FMN1: variants seen among roughly 807,000 people sequenced by gnomAD.
FMN1 encodes the protein formin 1.
In FMN1, 110 loss-of-function variants were observed where a neutral mutation model predicts 132.4. The observed-to-expected ratio is 0.83, with a 90% CI of 0.71 to 0.97. The LOEUF (loss-of-function observed/expected upper bound fraction) is 0.97. Among genes scored for constraint, FMN1 ranks in the 50% least tolerant of loss-of-function variants. The pLI is 0.00. For missense variants in FMN1, 1,792 were observed against 1,705.3 expected, an observed-to-expected ratio of 1.05 and a Z score of -0.90; for synonymous variants, 722 against 651.7, an observed-to-expected ratio of 1.11 and a Z score of -1.64.
At chr15:32,965,368 C>G (rs776219281) in intron 8 of FMN1, among the ~76,000 whole-genome samples, 19 of 151,900 alleles carry the variant, frequency 1.3e-4, no homozygotes, top group Non-Finnish European at 2.6e-4. Context: ...CCACTGCACT[C>G]CAGCCTGGGT....
chr15:33,003,951 C>T (rs2034262311), intron 7 of FMN1, among the ~76,000 whole-genome samples: 1 of 152,140 alleles, frequency 6.6e-6, no homozygotes, highest in African/African-American at 2.4e-5. Flanking sequence ...GGAAAGGAAT[C>T]CCTATTTAAT....
chr15:33,115,328 G>A (rs8041073), intron 4 of FMN1, among the ~76,000 whole-genome samples: 26,611 of 152,152 alleles, frequency 0.17, 2,772 homozygotes, highest in Middle Eastern at 0.26. Context: ...AAAATCTAAC[G>A]AGTCAAATCA....
intron 6 of FMN1, among the ~76,000 whole-genome samples, chr15:33,010,002 T>C (rs1280139499): frequency 2.6e-5 from 4 of 152,204 alleles, no homozygotes; most frequent in African/African-American, 9.7e-5. Context: ...TTCTTCTGCC[T>C]CAGCCTCCAG....
chr15:33,061,835 G>T (rs1447252957), intron 6 of FMN1, among the ~76,000 whole-genome samples: 1 of 152,034 alleles, frequency 6.6e-6, no homozygotes, highest in East Asian at 1.9e-4. Context: ...AGTTGTCTTC[G>T]ATCTCTACCT....
chr15:33,122,285 A>C (rs988839095), intron 4 of FMN1, among the ~76,000 whole-genome samples: 1 of 152,182 alleles, frequency 6.6e-6, no homozygotes, highest in Non-Finnish European at 1.5e-5. Context: ...CTACTCCGTA[A>C]AACGTTGTTG....
At chr15:32,814,194 T>A (rs184957005) in intron 17 of FMN1, among the ~76,000 whole-genome samples, 1 of 152,238 alleles carries the variant, frequency 6.6e-6, no homozygotes, top group Non-Finnish European at 1.5e-5. Context: ...GACCCATATA[T>A]GTCTTTAACT....
chr15:33,151,219 TCTC>T, intron 4 of FMN1: 1 of 1,531,692 alleles, frequency 6.5e-7, no homozygotes, highest in Non-Finnish European at 8.7e-7. Context: ...CTATAGGAAG[TCTC>T]CACAGTAGAG....
chr15:32,906,958 G>A (rs1351769152), intron 12 of FMN1, among the ~76,000 whole-genome samples: 2 of 152,112 alleles, frequency 1.3e-5, no homozygotes, highest in African/African-American at 2.4e-5. Flanking sequence ...CGTCAACTGA[G>A]TAAACCCAGA....
chr15:32,799,034 G>T, intron 18 of FMN1, 81 bp from the exon 19 acceptor site: 1 of 1,203,028 alleles, frequency 8.3e-7, no homozygotes, highest in Non-Finnish European at 1.2e-6. Context: ...GGGGGATGCT[G>T]GGGGCAGTTT....
Position 32,774,368 on chromosome 15 carries a change from A to C in FMN1, c.4216-14T>G, listed in dbSNP as rs779059150. 1.9e-6 allele frequency: 3 copies of C among 1,574,662 alleles called. No individual in the cohort carries two copies. Among genetic ancestry groups the C allele is most frequent in the Non-Finnish European group, 8.6e-7 (1 of 1,159,134 alleles). On this transcript the variant is annotated splice_polypyrimidine_tract_variant and intron_variant, in intron 20 of 20. Transcript: ENST00000616417. ...CAGTCTTTCTTTCTGTTAAGGAAAA[A>C]AAAATGAATGTATCATTTTCTTTCA...
chr15:32,958,445 TTTC>T (rs1402108733), intron 9 of FMN1, among the ~76,000 whole-genome samples: 6 of 152,308 alleles, frequency 3.9e-5, no homozygotes, highest in African/African-American at 1.4e-4. Context: ...TCGGTCTTAG[TTTC>T]TTATGTGCCA....
intron 9 of FMN1, among the ~76,000 whole-genome samples, chr15:32,928,653 T>C (rs1398872287): frequency 1.3e-5 from 2 of 152,182 alleles, no homozygotes; most frequent in Non-Finnish European, 2.9e-5. Flanking sequence ...GGGAATTGAC[T>C]AGATTTATTC....
chr15:32,878,227 C>T (rs517664), intron 16 of FMN1, among the ~76,000 whole-genome samples: 17,211 of 152,072 alleles, frequency 0.11, 2,433 homozygotes, highest in African/African-American at 0.33. Flanking sequence ...AAAGAAGGCC[C>T]GTGTGGCTGG....
At chr15:32,998,859 C>G (rs111840125) in intron 7 of FMN1, among the ~76,000 whole-genome samples, 30 of 152,312 alleles carry the variant, frequency 2.0e-4, no homozygotes, top group Admixed American at 7.2e-4. Context: ...CATTCTACAA[C>G]AGCCTCCTTC....
At chr15:32,963,965 CTA>C in intron 9 of FMN1, 140 bp downstream of exon 9, 3 of 427,146 alleles carry the variant, frequency 7.0e-6, no homozygotes, top group Non-Finnish European at 1.2e-5. Flanking sequence ...TAATAAATTC[CTA>C]TGATACACAC....
intron 5 of FMN1, among the ~76,000 whole-genome samples, chr15:33,070,992 C>T (rs937221032): frequency 1.3e-5 from 2 of 152,210 alleles, no homozygotes; most frequent in African/African-American, 4.8e-5. Flanking sequence ...CATCCACACT[C>T]TCAACCACTC....
At chr15:32,960,274 G>C (rs1238739023) in intron 9 of FMN1, among the ~76,000 whole-genome samples, 1 of 152,126 alleles carries the variant, frequency 6.6e-6, no homozygotes, top group Non-Finnish European at 1.5e-5. Flanking sequence ...GAAACTTATG[G>C]AACAACCAAA....
At chr15:32,937,194 G>C (rs1212434609) in intron 9 of FMN1, among the ~76,000 whole-genome samples, 1 of 152,082 alleles carries the variant, frequency 6.6e-6, no homozygotes, top group African/African-American at 2.4e-5. Flanking sequence ...TTCCCAACCT[G>C]GCATCTTTCC....
chr15:33,147,907 A>G (rs1964290866), intron 4 of FMN1, among the ~76,000 whole-genome samples: 1 of 152,106 alleles, frequency 6.6e-6, no homozygotes, highest in South Asian at 2.1e-4. Context: ...ACACTGTTAA[A>G]TTTTAAGAGC....
Sources: gnomAD v4.1 joint callset for allele counts (sites outside exome capture counted in the v4.1 genomes callset) on GRCh38, gnomAD v4.1.1 for gene constraint, MANE v1.5 for transcripts, NCBI Gene and HGNC (gene_info 2026-07-23, HGNC 2026-07-21) for gene names.